SPTA1: variants seen among roughly 807,000 people sequenced by gnomAD.
SPTA1 encodes the protein spectrin alpha, erythrocytic 1.
Under a neutral mutation model 324.7 loss-of-function variants are expected in SPTA1, and 177 were observed. That is an observed-to-expected ratio of 0.55 (90% CI 0.48 to 0.62). SPTA1 has a LOEUF of 0.62. SPTA1 is among the 20% of genes least tolerant of loss of function. SPTA1 has a pLI of 0.00. For missense variants in SPTA1, 3,162 were observed against 2,883.6 expected (o/e 1.10, Z -2.21); for synonymous variants, 1,195 against 1,041.3 (o/e 1.15, Z -2.84).
At position 158,638,189 on chromosome 1, in the gene SPTA1, G is replaced by A. The variant is rs1651231559; in HGVS notation, c.5033C>T (p.Thr1678Ile). 1.2e-6 allele frequency: 2 copies of A among 1,613,682 alleles called. No individual in the cohort carries two copies. Among genetic ancestry groups the A allele is most frequent in the South Asian group, 1.1e-5 (1 of 91,090 alleles). The stretch of plus-strand genomic sequence containing the variant: ...CTTCACAATCTGATCAACGTTGAAA[G>A]TCCCGCTGGAGAGCAAATCTTCAGC... ...TLAEDLLSSG[T>I]FNVDQIVKKK... Residue 1678 changes from threonine to isoleucine, a missense_variant, in exon 36 of 52, where the codon ACT becomes ATT. By Grantham distance (89) the Thr-to-Ile change is moderately conservative. Transcript: ENST00000643759.
rs1654935935 is a variant in SPTA1 at position 158,683,309 on chromosome 1, C to T, written c.390+62G>A. ...ACTCAAGGTTTATATCTCATATAAT[C>T]AGTTAAAACCCTGATAACATAATCA... On this transcript the variant is annotated intron_variant, in intron 3 of 51. Coordinates refer to ENST00000643759, the MANE Select transcript of SPTA1 (RefSeq NM_003126.4). 1.9e-6 allele frequency: 3 copies of T among 1,609,026 alleles called. No individual in the cohort carries two copies. The African/African-American group carries it at 4.0e-5, about 22-fold the overall frequency.
At chr1:158,631,700 C>T (rs1379636213) in intron 39 of SPTA1, among the ~76,000 whole-genome samples, 2 of 152,104 alleles carry the variant, frequency 1.3e-5, no homozygotes, top group Non-Finnish European at 2.9e-5. Context: ...TGAAAAGATG[C>T]TTCACATTAT....
chr1:158,662,368 C>G (rs1036355312), intron 17 of SPTA1, among the ~76,000 whole-genome samples: 2 of 152,122 alleles, frequency 1.3e-5, no homozygotes, highest in African/African-American at 4.8e-5. Context: ...AAGGGGCCAG[C>G]TACAGCCTAA....
chr1:158,650,361 T>C (rs1475371688), intron 24 of SPTA1, among the ~76,000 whole-genome samples: 2 of 152,244 alleles, frequency 1.3e-5, no homozygotes, highest in Non-Finnish European at 2.9e-5. Flanking sequence ...GGTAAGTACA[T>C]TGTTCCGCTT....
At position 158,657,523 on chromosome 1, in the gene SPTA1, G is replaced by T. The variant is rs2101877534; in HGVS notation, c.2759C>A (p.Pro920His). Residue 920 changes from proline (P) to histidine (H), a missense_variant, in exon 19 of 52, where the codon CCT (proline) becomes CAT (histidine). Pro to His is a moderately conservative substitution (Grantham distance 77). Coordinates refer to ENST00000643759, the MANE Select transcript of SPTA1 (RefSeq NM_003126.4). ...EAETWIREKE[P>H]IVDNTNYGAD... ...ACCATAGTTAGTATTATCTACAATA[G>T]GTTCCTTCTCTCTGATCCATGTTTC... is the stretch of plus-strand genomic sequence containing the variant. The T allele has an allele frequency of 6.4e-7, 1 of 1,566,294 alleles. No individual in the cohort carries two copies. Among genetic ancestry groups the T allele is most frequent in the Non-Finnish European group, 8.7e-7 (1 of 1,148,702 alleles).
intron 7 of SPTA1, among the ~76,000 whole-genome samples, chr1:158,677,396 T>C (rs374842059): frequency 3.9e-5 from 6 of 152,254 alleles, no homozygotes; most frequent in Admixed American, 1.3e-4. Flanking sequence ...GGAATCAACC[T>C]TGAAGGTATA....
chr1:158,670,351 C>T (rs188931959), intron 12 of SPTA1, among the ~76,000 whole-genome samples: 84 of 152,258 alleles, frequency 5.5e-4, no homozygotes, highest in African/African-American at 2.0e-3. Context: ...AGAAAATGAT[C>T]TAAAATAAAT....
chr1:158,639,906 G>A lies in SPTA1; in HGVS notation c.4839C>T (p.Asn1613=). The change falls in exon 34 of 52, where the codon AAC becomes AAT. Residue 1613 remains asparagine (N), a synonymous_variant. Coordinates refer to ENST00000643759, the MANE Select transcript of SPTA1 (RefSeq NM_003126.4). The part of the protein sequence containing the change: ...LNEASRQQRF[N]TSIRDFEFWL... The stretch of plus-strand genomic sequence containing the variant: ...AGAACTCAAAGTCCCGGATGCTTGT[G>A]TTGAACCTCTGTTGACGACTGGCCT... The A allele has an allele frequency of 1.2e-6, 2 of 1,613,958 alleles. No individual in the cohort carries two copies. The highest frequency in any genetic ancestry group is 1.3e-5 in the African/African-American group (1 of 75,018).
intron 39 of SPTA1, among the ~76,000 whole-genome samples, chr1:158,631,153 C>T (rs1218144795): frequency 2.0e-5 from 3 of 152,158 alleles, no homozygotes; most frequent in African/African-American, 7.2e-5. Flanking sequence ...GAAAAAGACA[C>T]ATGCATACTT....
chr1:158,614,691 G>A (rs1229173636), intron 48 of SPTA1: 2 of 203,532 alleles, frequency 9.8e-6, no homozygotes, highest in South Asian at 1.0e-4. Context: ...GAAAATATAT[G>A]TGCCTTACAA....
At chr1:158,615,440 C>T (rs2518491) in intron 47 of SPTA1, 37 bp from the exon 48 acceptor site, 422,984 of 1,606,848 alleles carry the variant, frequency 0.26, 58,586 homozygotes, top group East Asian at 0.41. Context: ...AATTAGTTGC[C>T]CAGGTTACCA....
intron 12 of SPTA1, among the ~76,000 whole-genome samples, chr1:158,670,309 T>C (rs1653927661): frequency 1.3e-5 from 2 of 152,172 alleles, no homozygotes; most frequent in South Asian, 2.1e-4. Context: ...ATCCCCCAAA[T>C]TGCTAGAGCT....
chr1:158,673,252 C>T (rs752457743), intron 10 of SPTA1, among the ~76,000 whole-genome samples: 2 of 152,114 alleles, frequency 1.3e-5, no homozygotes, highest in African/African-American at 2.4e-5. Context: ...AATGTTCCCA[C>T]AGAGTTCTGG....
rs903884903 is a variant in SPTA1 at position 158,628,920 on chromosome 1, G to A, written c.5566-1197C>T. 7.9e-5 allele frequency among the ~76,000 whole-genome samples: 12 copies of A among 152,068 alleles called. 1 individual carries two copies. Among genetic ancestry groups the A allele is most frequent in the Non-Finnish European group, 1.5e-4 (10 of 67,938 alleles). Reference sequence around the variant, plus strand: ...CAAACAGACCTATAACTACTGTGGAGACTGAATCAGAAATAAACCTCTCAA... The same window carrying A: ...CAAACAGACCTATAACTACTGTGGAAACTGAATCAGAAATAAACCTCTCAA... On this transcript the variant is annotated intron_variant, in intron 39 of 51. Coordinates refer to ENST00000643759, the MANE Select transcript of SPTA1 (RefSeq NM_003126.4).
At chr1:158,614,192 G>A (rs1649418536) in intron 49 of SPTA1, 61 bp downstream of exon 49, 3 of 1,274,412 alleles carry the variant, frequency 2.4e-6, no homozygotes, top group Non-Finnish European at 3.4e-6. Context: ...AACATTATTT[G>A]TAGACTCATT....
Position 158,678,700 on chromosome 1 carries a change from T to C in SPTA1, c.679-166A>G, listed in dbSNP as rs325993. ...ATAGCCCTCCTCCCTAGCTCCAACT[T>C]GATGCACACTACCAAAACCTAGAAA... On this transcript the variant is annotated intron_variant, in intron 5 of 51. Transcript: ENST00000643759. 0.33 allele frequency among the ~76,000 whole-genome samples: 50,337 copies of C among 151,946 alleles called. 9,458 individuals are homozygous for C. Among genetic ancestry groups the C allele is most frequent in the South Asian group, 0.55 (2,649 of 4,812 alleles).
In SPTA1 at chr1:158,667,903, C is replaced by A; in HGVS notation, c.1993G>T (p.Val665Phe). The change falls in exon 15 of 52, where the codon GTT (valine) becomes TTT (phenylalanine). Residue 665 changes from valine to phenylalanine, a missense_variant. Transcript: ENST00000643759. Reference protein sequence around the residue: ...SDNVTTRLSEVASLWEELLEA... With the variant: ...SDNVTTRLSEFASLWEELLEA... ...AGCAACTCCTCCCAGAGGCTGGCAACTTCACTCAGACGAGTGGTCACATTG... is the reference window on the plus strand; with the variant it reads ...AGCAACTCCTCCCAGAGGCTGGCAAATTCACTCAGACGAGTGGTCACATTG... The A allele has an allele frequency of 6.2e-7, 1 of 1,614,010 alleles. No homozygotes were observed. Among genetic ancestry groups the A allele is most frequent in the South Asian group, 1.1e-5 (1 of 91,072 alleles).
At chr1:158,611,499 AC>A in intron 51 of SPTA1, 110 bp from the exon 52 acceptor site, 1 of 1,274,922 alleles carries the variant, frequency 7.8e-7, no homozygotes, top group Non-Finnish European at 1.1e-6. Context: ...TCTCTGGAAG[AC>A]GCAAGCCCTA....
chr1:158,617,413 A>G (rs1022023009), intron 47 of SPTA1, 124 bp downstream of exon 47: 2 of 760,070 alleles, frequency 2.6e-6, no homozygotes, highest in Non-Finnish European at 4.7e-6. Flanking sequence ...GTGATGGCCT[A>G]TGGTTAAAAT....
Sources: gnomAD v4.1 joint callset for allele counts (sites outside exome capture counted in the v4.1 genomes callset) on GRCh38, gnomAD v4.1.1 for gene constraint, MANE v1.5 for transcripts, NCBI Gene and HGNC (gene_info 2026-07-23, HGNC 2026-07-21) for gene names.